CNTNAP2: variants seen among roughly 807,000 people sequenced by gnomAD.
CNTNAP2 encodes the protein contactin associated protein 2.
In CNTNAP2, 98 loss-of-function variants were observed where a neutral mutation model predicts 155.2. That is an observed-to-expected ratio of 0.63 (90% CI 0.54 to 0.75). The LOEUF (loss-of-function observed/expected upper bound fraction) is 0.75, where lower values mean the gene tolerates loss of function less well. Among genes scored for constraint, CNTNAP2 ranks in the 30% least tolerant of loss-of-function variants. The pLI, the probability that CNTNAP2 is intolerant of heterozygous loss-of-function variation, is 0.00. For missense variants in CNTNAP2, 1,727 were observed against 1,688.1 expected (o/e 1.02, Z -0.40); for synonymous variants, 651 against 631.2 (o/e 1.03, Z -0.47).
intron 8 of CNTNAP2, among the ~76,000 whole-genome samples, chr7:147,165,292 A>G (rs1802094701): frequency 2.0e-5 from 3 of 150,954 alleles, no homozygotes; most frequent in Non-Finnish European, 4.4e-5. Flanking sequence ...CCATTTGTAT[A>G]TTTTCTTTTG....
intron 13 of CNTNAP2, among the ~76,000 whole-genome samples, chr7:147,855,888 G>A (rs1006613916): frequency 6.6e-6 from 1 of 152,030 alleles, no homozygotes; most frequent in Non-Finnish European, 1.5e-5. Flanking sequence ...TGCCCATGTC[G>A]ATTTGAACAC....
intron 21 of CNTNAP2, chr7:148,381,402 A>C (rs913590181): frequency 3.3e-5 from 5 of 152,248 alleles, no homozygotes; most frequent in African/African-American, 1.2e-4. Context: ...TGCCGATGAA[A>C]GTGGCTCTCA....
intron 1 of CNTNAP2, among the ~76,000 whole-genome samples, chr7:146,399,044 TC>T (rs1795675562): frequency 6.6e-6 from 1 of 151,176 alleles, no homozygotes; most frequent in South Asian, 2.1e-4. Flanking sequence ...GAATACATTT[TC>T]TTTTTCCTTT....
intron 21 of CNTNAP2, among the ~76,000 whole-genome samples, chr7:148,279,481 A>G (rs551006352): frequency 1.3e-5 from 2 of 152,352 alleles, no homozygotes; most frequent in Admixed American, 1.3e-4. Context: ...GCTGCCTACT[A>G]CAATGAGGTA....
At chr7:148,287,839 T>C (rs1378809489) in intron 21 of CNTNAP2, among the ~76,000 whole-genome samples, 2 of 146,566 alleles carry the variant, frequency 1.4e-5, no homozygotes, top group African/African-American at 5.0e-5. Flanking sequence ...TTGCCCAGGC[T>C]GGAGTGCAAT....
intron 3 of CNTNAP2, among the ~76,000 whole-genome samples, chr7:146,864,977 G>C (rs1218421845): frequency 8.9e-6 from 1 of 112,836 alleles, no homozygotes; most frequent in East Asian, 2.6e-4. Flanking sequence ...CAGTCTGAGT[G>C]ACAGAGTCTA....
chr7:146,701,071 G>C (rs541838386), intron 1 of CNTNAP2, among the ~76,000 whole-genome samples: 2 of 151,884 alleles, frequency 1.3e-5, no homozygotes, highest in Non-Finnish European at 2.9e-5. Context: ...ATCAAACAAG[G>C]ATGATTTTTC....
At chr7:146,612,929 G>GT (rs1389243179) in intron 1 of CNTNAP2, among the ~76,000 whole-genome samples, 4 of 74,192 alleles carry the variant, frequency 5.4e-5, no homozygotes, top group African/African-American at 2.5e-4. Context: ...TCTAACATCT[G>GT]TCTTTTTTTT....
chr7:147,272,655 G>A (rs989223910), intron 8 of CNTNAP2, among the ~76,000 whole-genome samples: 1 of 144,690 alleles, frequency 6.9e-6, no homozygotes, highest in East Asian at 1.9e-4. Flanking sequence ...CCGCCACCAC[G>A]CCCGGCTAAT....
At chr7:148,091,481 A>G (rs557789543) in intron 15 of CNTNAP2, among the ~76,000 whole-genome samples, 1 of 152,318 alleles carries the variant, frequency 6.6e-6, no homozygotes, top group African/African-American at 2.4e-5. Flanking sequence ...AAGCTACCTG[A>G]TTTGGCTGAT....
chr7:147,876,272 G>C (rs1799417810), intron 13 of CNTNAP2, among the ~76,000 whole-genome samples: 1 of 151,950 alleles, frequency 6.6e-6, no homozygotes, highest in African/African-American at 2.4e-5. Flanking sequence ...CATGTATTGG[G>C]CTTTTTTCTT....
chr7:147,149,098 A>G (rs1211267354), intron 8 of CNTNAP2, among the ~76,000 whole-genome samples: 1 of 152,166 alleles, frequency 6.6e-6, no homozygotes, highest in Non-Finnish European at 1.5e-5. Context: ...TTGACCCCGC[A>G]CACATCCTGC....
At chr7:146,571,589 T>C (rs1441838026) in intron 1 of CNTNAP2, among the ~76,000 whole-genome samples, 3 of 152,136 alleles carry the variant, frequency 2.0e-5, no homozygotes, top group African/African-American at 7.2e-5. Context: ...CTCCATCCCA[T>C]GCAATTTTCA....
chr7:146,939,364 G>A (rs537011508), intron 3 of CNTNAP2, among the ~76,000 whole-genome samples: 3 of 152,244 alleles, frequency 2.0e-5, no homozygotes, highest in Non-Finnish European at 4.4e-5. Context: ...ATTCAATATA[G>A]CAAATGTGCC....
At chr7:147,950,360 G>A (rs922534743) in intron 14 of CNTNAP2, among the ~76,000 whole-genome samples, 2 of 64,784 alleles carry the variant, frequency 3.1e-5, no homozygotes, top group East Asian at 6.8e-4. Flanking sequence ...TACACATAGA[G>A]AGGCAAAAAA....
At position 146,260,330 on chromosome 7, in the gene CNTNAP2, G is replaced by A. The variant is rs1272923334; in HGVS notation, c.97+143357G>A. Among the ~76,000 whole-genome samples the A allele has an allele frequency of 4.6e-5, 7 of 152,342 alleles. No individual in the cohort carries two copies. In the East Asian group the frequency reaches 1.2e-3, roughly 25 times the overall value. ...CCTGAACACAGAGTCCCCACCTGGG[G>A]CACTGCCTAGTGGAGCTGTGAGAAA... On this transcript the variant is annotated intron_variant, in intron 1 of 23. Coordinates refer to ENST00000361727, the MANE Select transcript of CNTNAP2 (RefSeq NM_014141.6).
At chr7:146,388,512 A>C (rs1226512839) in intron 1 of CNTNAP2, among the ~76,000 whole-genome samples, 1 of 152,140 alleles carries the variant, frequency 6.6e-6, no homozygotes, top group Non-Finnish European at 1.5e-5. Context: ...GCAGGGGTAC[A>C]TGAGATATTT....
chr7:146,161,833 A>G (rs1798227718), intron 1 of CNTNAP2, among the ~76,000 whole-genome samples: 2 of 152,286 alleles, frequency 1.3e-5, no homozygotes. Context: ...AATGGAACAC[A>G]ATAGAGCCCT....
chr7:147,069,730 C>T (rs1245559992), intron 4 of CNTNAP2, among the ~76,000 whole-genome samples: 1 of 152,180 alleles, frequency 6.6e-6, no homozygotes, highest in East Asian at 1.9e-4. Context: ...TGCTTACTTA[C>T]TATCATTCTC....
Sources: allele counts gnomAD v4.1 joint callset (sites outside exome capture counted in the v4.1 genomes callset), GRCh38; gene constraint gnomAD v4.1.1; transcripts MANE v1.5; gene names NCBI Gene and HGNC (gene_info 2026-07-23, HGNC 2026-07-21).